Variants in CLPX observed in about 807,000 individuals in gnomAD.
CLPX encodes the protein ATP-dependent clpX-like chaperone, mitochondrial.
In CLPX, 34 loss-of-function variants were observed where a neutral mutation model predicts 76.4. The ratio of observed to expected loss-of-function variants is 0.45; its 90% CI spans 0.34 to 0.59. CLPX has a LOEUF of 0.59. Ranked by LOEUF, CLPX falls within the 20% of genes least tolerant of loss-of-function variation. CLPX has a pLI of 0.01. For synonymous variants in CLPX, 248 were observed against 270.9 expected, an observed-to-expected ratio of 0.92 and a Z score of 0.83; for missense variants, 613 against 757.0, an observed-to-expected ratio of 0.81 and a Z score of 2.23.
rs1283264383 is a variant in CLPX at position 65,150,781 on chromosome 15, A to T, written c.*42T>A. The T allele has an allele frequency of 7.3e-7, 1 of 1,376,134 alleles. No individual in the cohort carries two copies. 85.2% of individuals were successfully genotyped at this position (1,376,134 alleles called of 1,614,324 possible). On this transcript the variant is annotated 3_prime_UTR_variant, in exon 14 of 14. Transcript: ENST00000300107. ...GTAGAGACAATTATGATCCTAAACA[A>T]AAGAAGGAAAAGCTGTATATACAAG...
chr15:65,156,108 T>C (rs2087786452), intron 9 of CLPX, among the ~76,000 whole-genome samples: 1 of 152,206 alleles, frequency 6.6e-6, no homozygotes, highest in African/African-American at 2.4e-5. Context: ...TGAGAGGTTG[T>C]TTTTGATAGT....
intron 6 of CLPX, among the ~76,000 whole-genome samples, chr15:65,162,269 A>G (rs900978390): frequency 1.3e-5 from 2 of 152,164 alleles, no homozygotes; most frequent in African/African-American, 4.8e-5. Flanking sequence ...TACAAAAAAA[A>G]CCAAAAAACA....
rs2087780391 is a variant in CLPX at position 65,155,679 on chromosome 15, C to T, written c.1311+13G>A. ...GCTCTCTATCCTTCTAGTAACCCCT[C>T]AGAAAAACTTACCTTTTCATTTTTC... On this transcript the variant is annotated intron_variant, in intron 10 of 13. Coordinates refer to ENST00000300107, the MANE Select transcript of CLPX (RefSeq NM_006660.5). 1.9e-6 allele frequency: 3 copies of T among 1,607,332 alleles called. No individual in the cohort carries two copies. The highest frequency in any genetic ancestry group is 1.7e-5 in the Admixed American group (1 of 59,046).
intron 3 of CLPX, among the ~76,000 whole-genome samples, chr15:65,171,453 A>G (rs2088005738): frequency 6.6e-6 from 1 of 152,146 alleles, no homozygotes; most frequent in Non-Finnish European, 1.5e-5. Flanking sequence ...TCTCAAAAAA[A>G]AAAAAAACAT....
intron 5 of CLPX, 53 bp downstream of exon 5, chr15:65,163,976 G>T: frequency 2.0e-6 from 3 of 1,485,926 alleles, no homozygotes; most frequent in African/African-American, 1.4e-5. Context: ...TACAAATAAA[G>T]ATTACTTTTA....
chr15:65,165,685 C>T (rs753903728), intron 4 of CLPX, among the ~76,000 whole-genome samples: 8 of 151,770 alleles, frequency 5.3e-5, no homozygotes, highest in Non-Finnish European at 8.8e-5. Flanking sequence ...CCACCGCACC[C>T]GGCCAAACTG....
At chr15:65,164,245 T>C in intron 4 of CLPX, 57 bp from the exon 5 acceptor site, 2 of 1,389,804 alleles carry the variant, frequency 1.4e-6, no homozygotes, top group Non-Finnish European at 2.0e-6. Context: ...AGCACACACA[T>C]TAAAAAGTTA....
rs779069507 is a variant in CLPX, at chr15:65,149,822, T to C, written c.*1001A>G. 1.0e-4 allele frequency: 17 copies of C among 163,680 alleles called. No individual in the cohort carries two copies. The highest frequency in any genetic ancestry group is 2.1e-4 in the Non-Finnish European group (17 of 79,136). The allele number at this position is 163,680 out of a possible 1,614,324, so 10.1% of individuals were successfully genotyped here. ...TTGCAGTGAGCCAAGATCGCACCAC[T>C]GCACTTCAGCTTGGGACAGCGTGAG... On this transcript the variant is annotated 3_prime_UTR_variant, in exon 14 of 14. Transcript: ENST00000300107.
At chr15:65,153,676 G>T in intron 11 of CLPX, 37 bp from the exon 12 acceptor site, 2 of 1,215,160 alleles carry the variant, frequency 1.6e-6, no homozygotes, top group Non-Finnish European at 2.3e-6. Flanking sequence ...AACTTTTATT[G>T]TTAATTTGTA....
chr15:65,173,773 T>A (rs1477904508), intron 3 of CLPX, among the ~76,000 whole-genome samples: 1 of 152,210 alleles, frequency 6.6e-6, no homozygotes, highest in Non-Finnish European at 1.5e-5. Context: ...AAGGCTGGTA[T>A]GAAATGCCAC....
At chr15:65,174,190 G>T (rs1297658155) in intron 3 of CLPX, among the ~76,000 whole-genome samples, 1 of 152,042 alleles carries the variant, frequency 6.6e-6, no homozygotes, top group Admixed American at 6.6e-5. Flanking sequence ...AGCCAGGATG[G>T]TCTCGATCTC....
rs1356189695 is a variant in CLPX at position 65,148,731 on chromosome 15, A to C, written c.*2092T>G. On this transcript the variant is annotated 3_prime_UTR_variant, in exon 14 of 14. Coordinates refer to ENST00000300107, the MANE Select transcript of CLPX (RefSeq NM_006660.5). Reference sequence around the variant, plus strand: ...GTAAAAGGAAAGCTCGAGTCTATAAACCAAAAAAAAAAACCCACAAATATT... The same window carrying C: ...GTAAAAGGAAAGCTCGAGTCTATAACCCAAAAAAAAAAACCCACAAATATT... The C allele has an allele frequency of 6.6e-6, 1 of 151,456 alleles. No individual in the cohort carries two copies. Among genetic ancestry groups the C allele is most frequent in the African/African-American group, 2.4e-5 (1 of 41,238 alleles). 9.4% of individuals were successfully genotyped at this position (151,456 alleles called of 1,614,324 possible).
chr15:65,153,438 T>C, intron 12 of CLPX, 109 bp downstream of exon 12: 1 of 718,714 alleles, frequency 1.4e-6, no homozygotes, highest in African/African-American at 1.9e-5. Context: ...TATTTGAGAC[T>C]CTGTCTCAAA....
Position 65,158,746 on chromosome 15 carries a change from G to T in CLPX, c.721C>A (p.Leu241Ile). The change falls in exon 7 of 14, where the codon CTT (leucine) becomes ATT (isoleucine). Residue 241 changes from leucine to isoleucine, a missense_variant. Coordinates refer to ENST00000300107, the MANE Select transcript of CLPX (RefSeq NM_006660.5). ...REDEYRFTKL[L>I]QIAGISPHGN... ...TGTGGGCTAATTCCAGCAATCTGAA[G>T]CAATTCTGAAAAAAATGCCAAAGGA... is the stretch of plus-strand genomic sequence containing the variant. 6.4e-7 allele frequency: 1 copy of T among 1,568,086 alleles called. No individual in the cohort carries two copies. Among genetic ancestry groups the T allele is most frequent in the East Asian group, 2.3e-5 (1 of 43,440 alleles).
chr15:65,176,116 T>A (rs1469450423), intron 3 of CLPX, among the ~76,000 whole-genome samples: 1 of 152,254 alleles, frequency 6.6e-6, no homozygotes, highest in African/African-American at 2.4e-5. Flanking sequence ...CAGCCTTGAA[T>A]TGATTACACT....
chr15:65,174,333 C>T (rs1039129589), intron 3 of CLPX, among the ~76,000 whole-genome samples: 3 of 148,224 alleles, frequency 2.0e-5, no homozygotes, highest in South Asian at 4.3e-4. Context: ...GGTGTGATCT[C>T]GGCTCACTGC....
intron 1 of CLPX, among the ~76,000 whole-genome samples, chr15:65,180,917 A>AAAAATC (rs1555414265): frequency 9.3e-5 from 14 of 150,884 alleles, no homozygotes; most frequent in African/African-American, 2.9e-4. Context: ...AAAAAAAAAA[A>AAAAATC]AAATCTGTAA....
intron 7 of CLPX, 149 bp from the exon 8 acceptor site, chr15:65,158,059 G>C: frequency 1.6e-6 from 1 of 627,318 alleles, no homozygotes. Context: ...TTAGAGACAG[G>C]TTCTTGCTCT....
In CLPX at chr15:65,158,570, T is replaced by C; in HGVS notation, c.892+5A>G. The C allele has an allele frequency of 1.9e-6, 3 of 1,603,824 alleles. No individual in the cohort carries two copies. Among genetic ancestry groups the C allele is most frequent in the Non-Finnish European group, 1.7e-6 (2 of 1,175,768 alleles). On this transcript the variant is annotated splice_donor_5th_base_variant and intron_variant, in intron 7 of 13. Coordinates refer to ENST00000300107, the MANE Select transcript of CLPX (RefSeq NM_006660.5). ...AGTAGTAAATTTTCTCAGCAAGTTA[T>C]TTACCTGACCCAGTTGGTCCAAGCA...
Sources: allele counts gnomAD v4.1 joint callset (sites outside exome capture counted in the v4.1 genomes callset), GRCh38; gene constraint gnomAD v4.1.1; transcripts MANE v1.5; gene names NCBI Gene and HGNC (gene_info 2026-07-23, HGNC 2026-07-21).